The following ZGRF1 variants were observed in gnomAD, a reference collection of about 807,000 sequenced individuals.
ZGRF1 encodes zinc finger GRF-type containing 1.
A neutral mutation model predicts 203.5 loss-of-function variants in ZGRF1; 196 were observed. The observed-to-expected ratio is 0.96, with a 90% confidence interval of 0.86 to 1.08. The LOEUF (loss-of-function observed/expected upper bound fraction) is 1.08, where lower values mean the gene tolerates loss of function less well. Among genes scored for constraint, ZGRF1 ranks in the 50% least tolerant of loss-of-function variants. The probability of loss-of-function intolerance (pLI) is 0.00; values close to 1 mark genes in which losing one functional copy is unlikely to be tolerated. For synonymous variants in ZGRF1, 809 were observed against 841.3 expected, an observed-to-expected ratio of 0.96 and a Z score of 0.66; for missense variants, 2,326 against 2,416.3, an observed-to-expected ratio of 0.96 and a Z score of 0.78.
chr4:112,630,628 C>A (rs1304280621), intron 3 of ZGRF1, among the ~76,000 whole-genome samples: 2 of 152,036 alleles, frequency 1.3e-5, no homozygotes, highest in African/African-American at 4.8e-5. Context: ...ATTAGTGACT[C>A]AACTGTAATA....
In ZGRF1 at chr4:112,618,856, G is replaced by A; in HGVS notation, c.1186C>T (p.Pro396Ser). Reference sequence around the variant, plus strand: ...AATTTTACTTCCTGATTCCAGGATGGATCATTATTACCGACTGACTGGTCT... The same window carrying A: ...AATTTTACTTCCTGATTCCAGGATGAATCATTATTACCGACTGACTGGTCT... The part of the protein sequence containing the change: ...NVDQSVGNND[P>S]SWNQEVKLEI... The change falls in exon 6 of 28, where the codon CCA (proline) becomes TCA (serine). Residue 396 changes from proline to serine, a missense_variant. Transcript: ENST00000505019. The A allele has an allele frequency of 6.2e-7, 1 of 1,612,848 alleles. No individual in the cohort carries two copies. The highest frequency in any genetic ancestry group is 8.5e-7 in the Non-Finnish European group (1 of 1,179,224).
intron 16 of ZGRF1, among the ~76,000 whole-genome samples, chr4:112,563,838 C>T (rs982223789): frequency 1.3e-5 from 2 of 152,156 alleles, no homozygotes; most frequent in Admixed American, 1.3e-4. Flanking sequence ...CCAGTGAAGG[C>T]TCATTCTCAC....
At chr4:112,621,220 T>C (rs905660303) in intron 4 of ZGRF1, among the ~76,000 whole-genome samples, 1 of 152,194 alleles carries the variant, frequency 6.6e-6, no homozygotes, top group Non-Finnish European at 1.5e-5. Context: ...TATCTTTAAA[T>C]GAATAAGATA....
intron 6 of ZGRF1, 22 bp from the exon 7 acceptor site, chr4:112,612,610 A>G: frequency 6.7e-7 from 1 of 1,481,654 alleles, no homozygotes; most frequent in Non-Finnish European, 9.4e-7. Context: ...AAAAGAAATA[A>G]TCATATCATT....
chr4:112,565,823 C>T (rs923466966), intron 16 of ZGRF1, among the ~76,000 whole-genome samples: 2 of 152,136 alleles, frequency 1.3e-5, no homozygotes, highest in Non-Finnish European at 2.9e-5. Context: ...GTTAGAATGG[C>T]AGTCATTAAA....
At chr4:112,613,835 A>C (rs1404725133) in intron 6 of ZGRF1, among the ~76,000 whole-genome samples, 4 of 152,220 alleles carry the variant, frequency 2.6e-5, no homozygotes, top group African/African-American at 7.2e-5. Context: ...AATCACAAAA[A>C]GACTAATTTT....
Position 112,618,673 on chromosome 4 carries a change from C to A in ZGRF1, c.1369G>T (p.Glu457Ter), listed in dbSNP as rs755036099. 4.3e-6 allele frequency: 7 copies of A among 1,612,944 alleles called. No individual in the cohort carries two copies. The Admixed American group carries it at 5.0e-5, about 12-fold the overall frequency. Residue 457 changes from glutamate (E) to a stop codon, truncating the protein, a stop_gained, in exon 6 of 28, where the codon GAA becomes TAA. Transcript: ENST00000505019. LOFTEE classifies it high-confidence loss of function. ...CATGTATTTACCTCCTGAGCATTTT[C>A]TTTAATGAGAACTGATCCTTTAATG... ...GCIKGSVLIK[E>*]NAQEVNTCGT...
intron 19 of ZGRF1, 108 bp downstream of exon 19, chr4:112,560,625 G>T: frequency 2.1e-6 from 2 of 953,126 alleles, no homozygotes; most frequent in South Asian, 1.7e-5. Flanking sequence ...AGTCTACTTA[G>T]AGTTATTCTT....
intron 8 of ZGRF1, among the ~76,000 whole-genome samples, chr4:112,608,858 A>G (rs1374440353): frequency 6.6e-6 from 1 of 152,164 alleles, no homozygotes; most frequent in African/African-American, 2.4e-5. Flanking sequence ...GGGTTTGGTA[A>G]TGTTTGCAAG....
rs560926075 is a variant in ZGRF1, at chr4:112,617,032, G to C, written c.2602+408C>G. 7.6e-4 allele frequency among the ~76,000 whole-genome samples: 116 copies of C among 152,102 alleles called. 1 individual carries two copies. The highest frequency in any genetic ancestry group is 4.0e-3 in the South Asian group (19 of 4,808). ...CATGCCTGTAATCCCAACTACTTGG[G>C]AGGCAGAGGTTGCAGTGTGTCACTC... On this transcript the variant is annotated intron_variant, in intron 6 of 27. Coordinates refer to ENST00000505019, the MANE Select transcript of ZGRF1 (RefSeq NM_018392.5).
At chr4:112,585,427 A>G (rs1184064495) in intron 14 of ZGRF1, 114 bp downstream of exon 14, 13 of 723,048 alleles carry the variant, frequency 1.8e-5, no homozygotes, top group Non-Finnish European at 2.7e-5. Flanking sequence ...CAACACCTCA[A>G]ATAGAAAGCT....
chr4:112,619,186 T>A lies in ZGRF1; in HGVS notation c.856A>T (p.Ser286Cys). Residue 286 changes from serine to cysteine, a missense_variant, in exon 6 of 28, where the codon AGT becomes TGT. Physicochemically the swap from Ser to Cys is moderately radical, Grantham distance 112. Transcript: ENST00000505019. ...EHFPQKQPQG[S>C]LKIATKPKYL... ...TTTGGTTTAGTAGCAATTTTTAAAC[T>A]TCCTTGTGGTTGTTTTTGAGGAAAA... is the stretch of plus-strand genomic sequence containing the variant. 1 of 1,613,438 alleles carries A rather than the reference T, an allele frequency of 6.2e-7. No individual in the cohort carries two copies. The highest frequency in any genetic ancestry group is 8.5e-7 in the Non-Finnish European group (1 of 1,179,962).
chr4:112,624,252 A>T (rs577652187), intron 3 of ZGRF1, among the ~76,000 whole-genome samples: 1 of 152,174 alleles, frequency 6.6e-6, no homozygotes, highest in Admixed American at 6.5e-5. Flanking sequence ...ATGGTGGTTC[A>T]TGCCTGTAAT....
chr4:112,592,919 A>C lies in ZGRF1; in HGVS notation c.2977-3045T>G, dbSNP rs143619491. 5.3e-5 allele frequency among the ~76,000 whole-genome samples: 8 copies of C among 152,282 alleles called. No homozygotes were observed. In the East Asian group the frequency reaches 1.5e-3, roughly 29 times the overall value. ...TAAGAGTGGGGCCCTTACCCAACTGAATTAGTTACCTTACAAAGAGAGACA... is the reference window on the plus strand; with the variant it reads ...TAAGAGTGGGGCCCTTACCCAACTGCATTAGTTACCTTACAAAGAGAGACA... On this transcript the variant is annotated intron_variant, in intron 10 of 27. Transcript: ENST00000505019.
At chr4:112,594,590 T>G (rs1392244199) in intron 10 of ZGRF1, among the ~76,000 whole-genome samples, 1 of 151,854 alleles carries the variant, frequency 6.6e-6, no homozygotes. Flanking sequence ...GTAGCTGGGA[T>G]TACAGGCACA....
chr4:112,609,219 A>G (rs1225501142), intron 8 of ZGRF1, among the ~76,000 whole-genome samples, 160 bp downstream of exon 8: 1 of 151,634 alleles, frequency 6.6e-6, no homozygotes, highest in Non-Finnish European at 1.5e-5. Flanking sequence ...ACGCCCAGCT[A>G]ATTTTTTGTA....
chr4:112,566,845 TTCCCA>T (rs1743194218), intron 16 of ZGRF1, among the ~76,000 whole-genome samples: 1 of 152,006 alleles, frequency 6.6e-6, no homozygotes. Flanking sequence ...CTGTTCTTAC[TTCCCA>T]TCCCATCCTC....
chr4:112,540,043 C>G lies in ZGRF1; in HGVS notation c.5992G>C (p.Gly1998Arg). 3 of 1,609,466 alleles carry G rather than the reference C, an allele frequency of 1.9e-6. No homozygotes were observed. The highest frequency in any genetic ancestry group is 2.5e-6 in the Non-Finnish European group (3 of 1,177,178). Residue 1998 changes from glycine to arginine, a missense_variant, in exon 27 of 28, where the codon GGA (glycine) becomes CGA (arginine). By Grantham distance (125) the Gly-to-Arg change is moderately radical (BLOSUM62 -2). Coordinates refer to ENST00000505019, the MANE Select transcript of ZGRF1 (RefSeq NM_018392.5). ...VQVSTVDAFQ[G>R]AEKEIIILSC... ...AGAATAATGATCTCCTTTTCAGCTC[C>G]CTGAAAAGCATCTACTGTGGACACC...
At chr4:112,623,303 T>C (rs1301333260) in intron 4 of ZGRF1, among the ~76,000 whole-genome samples, 3 of 152,240 alleles carry the variant, frequency 2.0e-5, no homozygotes, top group Admixed American at 6.5e-5. Context: ...TTGTGAATAG[T>C]GCTACAATGA....
Sources: allele counts gnomAD v4.1 joint callset (sites outside exome capture counted in the v4.1 genomes callset), GRCh38; gene constraint gnomAD v4.1.1; transcripts MANE v1.5; gene names NCBI Gene and HGNC (gene_info 2026-07-23, HGNC 2026-07-21).